ABCC4: variants seen among roughly 807,000 people sequenced by gnomAD.
ABCC4 encodes the protein ATP-binding cassette sub-family C member 4.
A neutral mutation model predicts 168.5 loss-of-function variants in ABCC4; 102 were observed. The ratio of observed to expected loss-of-function variants is 0.61; its 90% CI spans 0.52 to 0.71. The LOEUF (loss-of-function observed/expected upper bound fraction) is 0.71. Among genes scored for constraint, ABCC4 ranks in the 30% least tolerant of loss-of-function variants. The pLI is 0.00. For synonymous variants in ABCC4, 617 were observed against 590.7 expected (o/e 1.04, Z -0.65); for missense variants, 1,402 against 1,605.8 (o/e 0.87, Z 2.17).
intron 19 of ABCC4, among the ~76,000 whole-genome samples, chr13:95,131,935 A>AATTCCACCTCTAC (rs1380910478): frequency 6.6e-6 from 1 of 152,178 alleles, no homozygotes; most frequent in Non-Finnish European, 1.5e-5. Flanking sequence ...ATGATCCAGC[A>AATTCCACCTCTAC]ATTCCACCTC....
chr13:95,036,310 G>A (rs920582731), intron 29 of ABCC4, among the ~76,000 whole-genome samples: 1 of 152,148 alleles, frequency 6.6e-6, no homozygotes, highest in Non-Finnish European at 1.5e-5. Context: ...TTGAGAGTGA[G>A]TGAGTTCTCT....
chr13:95,144,606 C>A (rs1282242738), intron 19 of ABCC4, among the ~76,000 whole-genome samples: 1 of 152,100 alleles, frequency 6.6e-6, no homozygotes, highest in Admixed American at 6.5e-5. Flanking sequence ...ACACCACTAA[C>A]ATCCAAGCTG....
At chr13:95,242,901 T>A (rs1441195237) in intron 3 of ABCC4, among the ~76,000 whole-genome samples, 6 of 152,156 alleles carry the variant, frequency 3.9e-5, no homozygotes, top group African/African-American at 1.4e-4. Context: ...CAAGGATTAC[T>A]TTGAGTTGAA....
At chr13:95,250,757 C>CTTTTTT (rs66485168) in intron 1 of ABCC4, among the ~76,000 whole-genome samples, 10 of 78,872 alleles carry the variant, frequency 1.3e-4, no homozygotes, top group African/African-American at 2.5e-4. Context: ...ATACTGGTTT[C>CTTTTTT]TTTTTTTTTT....
At chr13:95,276,876 G>A (rs1380569608) in intron 1 of ABCC4, among the ~76,000 whole-genome samples, 2 of 151,810 alleles carry the variant, frequency 1.3e-5, no homozygotes, top group Non-Finnish European at 2.9e-5. Context: ...AACATTAACC[G>A]AGTGTGGTGG....
At chr13:95,032,446 T>C (rs6492763) in intron 30 of ABCC4, among the ~76,000 whole-genome samples, 76,662 of 152,078 alleles carry the variant, frequency 0.5, 22,000 homozygotes, top group African/African-American at 0.79. Flanking sequence ...AATGTATTTG[T>C]TAGTGCCCAG....
intron 19 of ABCC4, among the ~76,000 whole-genome samples, chr13:95,157,169 A>C (rs1470421868): frequency 6.6e-6 from 1 of 150,798 alleles, no homozygotes; most frequent in Non-Finnish European, 1.5e-5. Flanking sequence ...ACCTTGGATG[A>C]ATGTGTGTCC....
At chr13:95,071,928 A>AC (rs2033739783) in intron 24 of ABCC4, 75 bp from the exon 25 acceptor site, 12 of 1,133,276 alleles carry the variant, frequency 1.1e-5, no homozygotes, top group Non-Finnish European at 1.4e-5. Context: ...CTGTCAATGA[A>AC]ATGTTCTTCT....
At chr13:95,259,240 C>T (rs570385245) in intron 1 of ABCC4, among the ~76,000 whole-genome samples, 2 of 152,152 alleles carry the variant, frequency 1.3e-5, no homozygotes, top group African/African-American at 2.4e-5. Context: ...TTTAGCCAGG[C>T]GTGGTGGCAC....
At chr13:95,197,218 A>C (rs1010854270) in intron 8 of ABCC4, among the ~76,000 whole-genome samples, 3 of 152,242 alleles carry the variant, frequency 2.0e-5, no homozygotes, top group African/African-American at 7.2e-5. Flanking sequence ...AACAGACTGT[A>C]TGATCGGCTT....
intron 2 of ABCC4, among the ~76,000 whole-genome samples, 155 bp downstream of exon 2, chr13:95,247,488 T>A (rs2040136291): frequency 6.6e-6 from 1 of 152,178 alleles, no homozygotes; most frequent in East Asian, 1.9e-4. Flanking sequence ...CAGGCCACCA[T>A]GGTAGGCTGA....
chr13:95,279,695 T>C (rs2041063287), intron 1 of ABCC4, among the ~76,000 whole-genome samples: 3 of 152,276 alleles, frequency 2.0e-5, no homozygotes, highest in African/African-American at 4.8e-5. Flanking sequence ...ACAGTGCTTT[T>C]TGTGGATTTT....
At chr13:95,298,431 A>C (rs1009494180) in intron 1 of ABCC4, among the ~76,000 whole-genome samples, 2 of 152,096 alleles carry the variant, frequency 1.3e-5, no homozygotes, top group Non-Finnish European at 1.5e-5. Flanking sequence ...AGCACTTGAA[A>C]CCTCACCACC....
intron 3 of ABCC4, among the ~76,000 whole-genome samples, chr13:95,240,386 C>T (rs2039902731): frequency 6.6e-6 from 1 of 150,960 alleles, no homozygotes; most frequent in African/African-American, 2.4e-5. Flanking sequence ...ACAAAATTAC[C>T]CGGGCATGGT....
chr13:95,023,078 T>C (rs1282554497), intron 30 of ABCC4, among the ~76,000 whole-genome samples: 2 of 152,224 alleles, frequency 1.3e-5, no homozygotes, highest in Non-Finnish European at 2.9e-5. Flanking sequence ...GGTTATAGAT[T>C]TATGTACTCC....
Position 95,127,839 on chromosome 13 carries a change from G to A in ABCC4, c.2456-11838C>T, listed in dbSNP as rs117005266. 4.7e-4 allele frequency among the ~76,000 whole-genome samples: 72 copies of A among 152,182 alleles called. 3 individuals are homozygous for A. In the East Asian group the frequency reaches 9.3e-3, roughly 20 times the overall value. Reference sequence around the variant, plus strand: ...ACCTCTTCTCCATGTATGGGAATGCGTAACATGTTTCAATTGTGAACTGAA... The same window carrying A: ...ACCTCTTCTCCATGTATGGGAATGCATAACATGTTTCAATTGTGAACTGAA... On this transcript the variant is annotated intron_variant, in intron 19 of 30. Coordinates refer to ENST00000645237, the MANE Select transcript of ABCC4 (RefSeq NM_005845.5).
At position 95,203,167 on chromosome 13, in the gene ABCC4, C is replaced by T. The variant is rs535215829; in HGVS notation, c.1161+3365G>A. On this transcript the variant is annotated intron_variant, in intron 8 of 30. Coordinates refer to ENST00000645237, the MANE Select transcript of ABCC4 (RefSeq NM_005845.5). Reference sequence around the variant, plus strand: ...TTGTTACCTAGTGGGTACTCACCAGCTATTACCTGTTCATATAAAGCCCCA... The same window carrying T: ...TTGTTACCTAGTGGGTACTCACCAGTTATTACCTGTTCATATAAAGCCCCA... Among the ~76,000 whole-genome samples, 30 of 152,262 alleles carry T rather than the reference C, an allele frequency of 2.0e-4. No homozygotes were observed. In the South Asian group the frequency reaches 6.0e-3, roughly 30 times the overall value.
At chr13:95,131,493 G>T (rs2035962076) in intron 19 of ABCC4, among the ~76,000 whole-genome samples, 1 of 152,122 alleles carries the variant, frequency 6.6e-6, no homozygotes, top group African/African-American at 2.4e-5. Flanking sequence ...GCTGGGCTTG[G>T]TGGTGCACGA....
At chr13:95,217,043 A>C (rs1265208924) in intron 4 of ABCC4, among the ~76,000 whole-genome samples, 1 of 152,244 alleles carries the variant, frequency 6.6e-6, no homozygotes, top group Admixed American at 6.5e-5. Flanking sequence ...CATGCCATTA[A>C]GAACAATACT....
Sources: allele counts gnomAD v4.1 joint callset (sites outside exome capture counted in the v4.1 genomes callset), GRCh38; gene constraint gnomAD v4.1.1; transcripts MANE v1.5; gene names NCBI Gene and HGNC (gene_info 2026-07-23, HGNC 2026-07-21).